GUCY1A2: variants seen among roughly 807,000 people sequenced by gnomAD.
The protein encoded by GUCY1A2 is guanylate cyclase soluble subunit alpha-2.
Under a neutral mutation model 63.5 loss-of-function variants are expected in GUCY1A2, and 27 were observed. The observed-to-expected ratio is 0.43, with a 90% confidence interval of 0.31 to 0.59. GUCY1A2 has a LOEUF of 0.59. Among genes scored for constraint, GUCY1A2 ranks in the 20% least tolerant of loss-of-function variants. The pLI is 0.11. For synonymous variants in GUCY1A2, 364 were observed against 343.5 expected (o/e 1.06, Z -0.66); for missense variants, 768 against 913.3 (o/e 0.84, Z 2.05).
chr11:106,868,763 G>T (rs1301735603), intron 4 of GUCY1A2, among the ~76,000 whole-genome samples: 1 of 152,046 alleles, frequency 6.6e-6, no homozygotes, highest in East Asian at 1.9e-4. Context: ...CTACTTTAAA[G>T]TTCATATGGA....
intron 4 of GUCY1A2, 33 bp downstream of exon 4, chr11:106,939,427 T>C (rs1351260524): frequency 1.1e-5 from 12 of 1,044,598 alleles, no homozygotes; most frequent in Non-Finnish European, 1.6e-5. Context: ...ACTCTTCTAG[T>C]TCCCATCACC....
chr11:106,692,270 G>A (rs1862638783), intron 7 of GUCY1A2, among the ~76,000 whole-genome samples: 1 of 152,140 alleles, frequency 6.6e-6, no homozygotes, highest in South Asian at 2.1e-4. Context: ...CACTCTGGGA[G>A]TTTTGGCAAC....
intron 4 of GUCY1A2, among the ~76,000 whole-genome samples, chr11:106,831,230 A>C (rs1859046303): frequency 6.6e-6 from 1 of 152,218 alleles, no homozygotes; most frequent in Non-Finnish European, 1.5e-5. Context: ...ATGAAGGTTG[A>C]CTTTGCACTA....
chr11:106,787,876 C>T (rs1356039050), intron 5 of GUCY1A2, among the ~76,000 whole-genome samples: 1 of 152,024 alleles, frequency 6.6e-6, no homozygotes, highest in Non-Finnish European at 1.5e-5. Context: ...CATATACTTA[C>T]TTCCCTTCTT....
At chr11:106,924,029 AGAT>A (rs1473605195) in intron 4 of GUCY1A2, among the ~76,000 whole-genome samples, 1 of 152,216 alleles carries the variant, frequency 6.6e-6, no homozygotes, top group Non-Finnish European at 1.5e-5. Flanking sequence ...AAAGCAATCA[AGAT>A]GATATTAGGA....
chr11:107,016,150 C>T (rs1040959757), intron 1 of GUCY1A2, among the ~76,000 whole-genome samples: 8 of 152,224 alleles, frequency 5.3e-5, no homozygotes, highest in African/African-American at 1.9e-4. Context: ...TAGGTCCCCC[C>T]TACCATCATT....
chr11:106,827,948 TC>T, intron 4 of GUCY1A2: 1 of 1,065,112 alleles, frequency 9.4e-7, no homozygotes, highest in Non-Finnish European at 1.4e-6. Context: ...GACTCTGGAC[TC>T]CAGGAGAGGA....
chr11:106,843,738 CAG>C (rs1214658473), intron 4 of GUCY1A2, among the ~76,000 whole-genome samples: 2 of 151,852 alleles, frequency 1.3e-5, no homozygotes, highest in Admixed American at 6.6e-5. Context: ...TAGTTGGTGA[CAG>C]AGACACAACT....
At chr11:106,843,495 G>T (rs1859229079) in intron 4 of GUCY1A2, among the ~76,000 whole-genome samples, 1 of 151,750 alleles carries the variant, frequency 6.6e-6, no homozygotes, top group Non-Finnish European at 1.5e-5. Flanking sequence ...GATATATTAG[G>T]GTGTAACAGC....
At chr11:106,771,879 C>A (rs1442035823) in intron 6 of GUCY1A2, among the ~76,000 whole-genome samples, 1 of 152,096 alleles carries the variant, frequency 6.6e-6, no homozygotes, top group Non-Finnish European at 1.5e-5. Flanking sequence ...TGAAAAAGTT[C>A]TACTCACTTT....
rs533324334 is a variant in GUCY1A2, at chr11:106,908,441, G to A, written c.1206+31019C>T. Reference sequence around the variant, plus strand: ...ATATTTATGTAAATGTGAAATGCATGCAAAATGTTACAAATTTTACAAGGA... The same window carrying A: ...ATATTTATGTAAATGTGAAATGCATACAAAATGTTACAAATTTTACAAGGA... On this transcript the variant is annotated intron_variant, in intron 4 of 7. Transcript: ENST00000526355. 3.9e-5 allele frequency among the ~76,000 whole-genome samples: 6 copies of A among 152,048 alleles called. No homozygotes were observed. The South Asian group carries it at 8.3e-4, about 21-fold the overall frequency.
At chr11:106,791,689 A>C (rs1222334810) in intron 5 of GUCY1A2, among the ~76,000 whole-genome samples, 1 of 152,132 alleles carries the variant, frequency 6.6e-6, no homozygotes, top group Non-Finnish European at 1.5e-5. Flanking sequence ...TAGATTTAAA[A>C]AAGGCCTCCC....
At chr11:106,948,538 T>C (rs1860861547) in intron 3 of GUCY1A2, among the ~76,000 whole-genome samples, 1 of 152,136 alleles carries the variant, frequency 6.6e-6, no homozygotes, top group Admixed American at 6.5e-5. Flanking sequence ...AAAAGATCTT[T>C]TCCAAAAACC....
intron 4 of GUCY1A2, among the ~76,000 whole-genome samples, chr11:106,816,729 T>C (rs1858837263): frequency 6.6e-6 from 1 of 151,458 alleles, no homozygotes; most frequent in South Asian, 2.1e-4. Flanking sequence ...AAATGACAGC[T>C]AAGTAAACAA....
At chr11:106,794,544 T>C (rs1338116552) in intron 5 of GUCY1A2, among the ~76,000 whole-genome samples, 3 of 152,040 alleles carry the variant, frequency 2.0e-5, no homozygotes, top group African/African-American at 4.8e-5. Flanking sequence ...TTATGTCTGA[T>C]AATAGATCAA....
At chr11:106,750,006 A>ATGAT (rs1863856152) in intron 6 of GUCY1A2, among the ~76,000 whole-genome samples, 1 of 152,128 alleles carries the variant, frequency 6.6e-6, no homozygotes, top group South Asian at 2.1e-4. Flanking sequence ...GTGAAGTCCC[A>ATGAT]TGATAGGCTA....
At chr11:106,734,403 T>C (rs973572877) in intron 6 of GUCY1A2, among the ~76,000 whole-genome samples, 25 of 152,248 alleles carry the variant, frequency 1.6e-4, no homozygotes, top group African/African-American at 6.0e-4. Context: ...CTCTGTCCTA[T>C]CTTTTATGTA....
intron 3 of GUCY1A2, among the ~76,000 whole-genome samples, chr11:106,949,761 G>GAAGAATGAAGAA (rs1221601803): frequency 1.3e-5 from 2 of 152,202 alleles, no homozygotes; most frequent in Non-Finnish European, 2.9e-5. Context: ...AACCATTCCA[G>GAAGAATGAAGAA]ACTGAAGAAA....
chr11:106,863,604 G>T (rs143189686), intron 4 of GUCY1A2, among the ~76,000 whole-genome samples: 1 of 152,126 alleles, frequency 6.6e-6, no homozygotes, highest in Non-Finnish European at 1.5e-5. Flanking sequence ...GCTTAGGATT[G>T]TCTTGGCTAT....
Sources: gnomAD v4.1 joint callset for allele counts (sites outside exome capture counted in the v4.1 genomes callset) on GRCh38, gnomAD v4.1.1 for gene constraint, MANE v1.5 for transcripts, NCBI Gene and HGNC (gene_info 2026-07-23, HGNC 2026-07-21) for gene names.